SLCO3A1: variants seen among roughly 807,000 people sequenced by gnomAD.
SLCO3A1 encodes solute carrier organic anion transporter family member 3A1.
A neutral mutation model predicts 63.1 loss-of-function variants in SLCO3A1; 27 were observed. That is an observed-to-expected ratio of 0.43 (90% CI 0.32 to 0.59). SLCO3A1 has a LOEUF of 0.59. SLCO3A1 is among the 20% of genes least tolerant of loss of function. SLCO3A1 has a pLI of 0.09. For synonymous variants in SLCO3A1, 473 were observed against 409.9 expected, an observed-to-expected ratio of 1.15 and a Z score of -1.86; for missense variants, 773 against 945.8, an observed-to-expected ratio of 0.82 and a Z score of 2.40.
At chr15:91,922,283 G>T (rs974933507) in intron 2 of SLCO3A1, among the ~76,000 whole-genome samples, 2 of 152,164 alleles carry the variant, frequency 1.3e-5, no homozygotes, top group Non-Finnish European at 2.9e-5. Flanking sequence ...CAGCGGAAAG[G>T]GGTTCTTTGA....
At chr15:91,945,138 T>C (rs1899759173) in intron 2 of SLCO3A1, among the ~76,000 whole-genome samples, 1 of 151,610 alleles carries the variant, frequency 6.6e-6, no homozygotes, top group Non-Finnish European at 1.5e-5. Context: ...AGGTCAGGAG[T>C]TCGAGACACC....
In SLCO3A1 at chr15:91,867,222, G is replaced by T. The variant is rs373687888; in HGVS notation, c.180+13134G>T. ...TGTGGTGAAATGTGGCTGGAAGTCA[G>T]TCTGCTAGCCTGTGGAGGGACCTTC... On this transcript the variant is annotated intron_variant, in intron 1 of 9. Coordinates refer to ENST00000318445, the MANE Select transcript of SLCO3A1 (RefSeq NM_013272.4). Among the ~76,000 whole-genome samples, 4 of 152,340 alleles carry T rather than the reference G, an allele frequency of 2.6e-5. No homozygotes were observed. The East Asian group carries it at 7.7e-4, about 29-fold the overall frequency.
intron 2 of SLCO3A1, among the ~76,000 whole-genome samples, chr15:91,988,812 T>C (rs2046088406): frequency 6.6e-6 from 1 of 152,188 alleles, no homozygotes; most frequent in South Asian, 2.1e-4. Flanking sequence ...ACACAACAGC[T>C]TTATGCTTCA....
intron 4 of SLCO3A1, among the ~76,000 whole-genome samples, chr15:92,112,935 T>C (rs984934284): frequency 6.6e-6 from 1 of 152,334 alleles, no homozygotes; most frequent in African/African-American, 2.4e-5. Flanking sequence ...CCTCCATTGT[T>C]GGAGTTTTCA....
At chr15:92,065,067 G>GTTT (rs1379097437) in intron 2 of SLCO3A1, among the ~76,000 whole-genome samples, 1 of 73,950 alleles carries the variant, frequency 1.4e-5, no homozygotes, top group Non-Finnish European at 2.9e-5. Flanking sequence ...GGTTACCCAC[G>GTTT]TTTTTTGTTT....
intron 1 of SLCO3A1, among the ~76,000 whole-genome samples, chr15:91,864,897 C>T (rs4417531): frequency 0.18 from 27,648 of 152,196 alleles, 2,966 homozygotes; most frequent in Non-Finnish European, 0.24. Flanking sequence ...CCACTGGCCC[C>T]TGACCCCATC....
At chr15:91,888,712 G>T (rs1160998611) in intron 1 of SLCO3A1, among the ~76,000 whole-genome samples, 1 of 152,148 alleles carries the variant, frequency 6.6e-6, no homozygotes, top group Non-Finnish European at 1.5e-5. Flanking sequence ...GCTGGGTACA[G>T]TGGCTCATAC....
chr15:92,162,470 T>A (rs2048451693), intron 9 of SLCO3A1: 1 of 353,296 alleles, frequency 2.8e-6, no homozygotes, highest in African/African-American at 2.1e-5. Flanking sequence ...ATGTGTAAAG[T>A]TAGTCTTCAC....
intron 2 of SLCO3A1, among the ~76,000 whole-genome samples, chr15:91,922,210 G>A (rs542794228): frequency 6.1e-5 from 4 of 65,832 alleles, no homozygotes; most frequent in African/African-American, 2.0e-4. Context: ...ACACACACAC[G>A]GCACAGAGAC....
intron 2 of SLCO3A1, among the ~76,000 whole-genome samples, chr15:92,047,959 G>T (rs983235293): frequency 6.6e-6 from 1 of 151,862 alleles, no homozygotes; most frequent in Admixed American, 6.6e-5. Context: ...GAGAGCTGAG[G>T]TTGGGTGCCC....
At chr15:91,995,398 A>G (rs2046178842) in intron 2 of SLCO3A1, among the ~76,000 whole-genome samples, 1 of 152,338 alleles carries the variant, frequency 6.6e-6, no homozygotes. Flanking sequence ...ACCATGCATC[A>G]GTATCATTTC....
chr15:92,127,851 A>G (rs1056836987), intron 6 of SLCO3A1, among the ~76,000 whole-genome samples: 2 of 152,174 alleles, frequency 1.3e-5, no homozygotes, highest in Non-Finnish European at 2.9e-5. Context: ...ACTGTAGGGG[A>G]GGAATAAAGC....
At chr15:91,986,212 T>TA (rs747821571) in intron 2 of SLCO3A1, among the ~76,000 whole-genome samples, 5 of 151,956 alleles carry the variant, frequency 3.3e-5, no homozygotes, top group Non-Finnish European at 7.4e-5. Context: ...ACTGTCCAGG[T>TA]AGGGGTGTGA....
intron 3 of SLCO3A1, among the ~76,000 whole-genome samples, chr15:92,101,036 G>T (rs1336708515): frequency 6.6e-6 from 1 of 152,170 alleles, no homozygotes; most frequent in Admixed American, 6.5e-5. Context: ...CTTGTCCTCA[G>T]AGGAAGAGGA....
chr15:91,926,604 C>CGCGT (rs1336844662), intron 2 of SLCO3A1, among the ~76,000 whole-genome samples: 10 of 43,622 alleles, frequency 2.3e-4, no homozygotes, highest in African/African-American at 5.7e-4. Flanking sequence ...TGTGCGCGCG[C>CGCGT]GCACGCCCAT....
chr15:92,102,275 C>T (rs1305341570), intron 3 of SLCO3A1, among the ~76,000 whole-genome samples: 2 of 152,204 alleles, frequency 1.3e-5, no homozygotes, highest in East Asian at 1.9e-4. Context: ...TGTGTCTTCC[C>T]TCATTTGCAT....
chr15:92,172,100 T>TA (rs888961877), exon 11 of SLCO3A1: 7 of 460,612 alleles, frequency 1.5e-5, no homozygotes, highest in Admixed American at 1.4e-4. Context: ...CCTGGGTCTC[T>TA]AAAGAGTCAT....
In SLCO3A1 at chr15:92,165,264, A is replaced by G. The variant is rs1216939375; in HGVS notation, c.*2129A>G. On this transcript the variant is annotated 3_prime_UTR_variant, in exon 10 of 10. Transcript: ENST00000318445. The stretch of plus-strand genomic sequence containing the variant: ...TGTTAGTATGTCCTTGCTTATGAAA[A>G]TGGGGACACTCATCAGTACGTTAAC... 2 of 985,390 alleles carry G rather than the reference A, an allele frequency of 2.0e-6. No individual in the cohort carries two copies. The highest frequency in any genetic ancestry group is 2.3e-4 in the East Asian group (2 of 8,814). The allele number at this position is 985,390 out of a possible 1,614,324, so 61.0% of individuals were successfully genotyped here.
At chr15:91,881,257 G>C (rs1897577060) in intron 1 of SLCO3A1, among the ~76,000 whole-genome samples, 2 of 151,538 alleles carry the variant, frequency 1.3e-5, no homozygotes, top group Non-Finnish European at 2.9e-5. Flanking sequence ...TGGTCTTACT[G>C]ATTGATTTTC....
Sources: allele counts gnomAD v4.1 joint callset (sites outside exome capture counted in the v4.1 genomes callset), GRCh38; gene constraint gnomAD v4.1.1; transcripts MANE v1.5; gene names NCBI Gene and HGNC (gene_info 2026-07-23, HGNC 2026-07-21).